The following KAT6A variants were observed in gnomAD, a reference collection of about 807,000 sequenced individuals.
KAT6A encodes the protein lysine acetyltransferase 6A.
In KAT6A, 9 loss-of-function variants were observed where a neutral mutation model predicts 198.4. The observed-to-expected ratio is 0.05, with a 90% CI of 0.03 to 0.08. The LOEUF (loss-of-function observed/expected upper bound fraction) is 0.08. Among genes scored for constraint, KAT6A ranks in the 10% least tolerant of loss-of-function variants. The pLI, the probability that KAT6A is intolerant of heterozygous loss-of-function variation, is 1.00. For synonymous variants in KAT6A, 890 were observed against 883.0 expected, an observed-to-expected ratio of 1.01 and a Z score of -0.14; for missense variants, 2,077 against 2,509.9, an observed-to-expected ratio of 0.83 and a Z score of 3.69.
chr8:41,943,584 T>C (rs1587722962), intron 13 of KAT6A, among the ~76,000 whole-genome samples, 164 bp downstream of exon 13: 1 of 152,130 alleles, frequency 6.6e-6, no homozygotes, highest in East Asian at 1.9e-4. Context: ...ACCATATATA[T>C]AGTCAATCAA....
At chr8:41,946,529 C>CACACAG in intron 12 of KAT6A, 62 bp downstream of exon 12, 2 of 681,868 alleles carry the variant, frequency 2.9e-6, no homozygotes, top group East Asian at 6.1e-5. Context: ...CACACACACA[C>CACACAG]ACACACACAC....
chr8:41,982,350 A>G (rs760602931), intron 3 of KAT6A, among the ~76,000 whole-genome samples: 3 of 152,196 alleles, frequency 2.0e-5, no homozygotes, highest in African/African-American at 4.8e-5. Flanking sequence ...CACTGATAAC[A>G]TCCTAGAAAA....
intron 8 of KAT6A, chr8:41,958,112 T>C (rs577807474): frequency 6.6e-6 from 1 of 152,266 alleles, no homozygotes; most frequent in East Asian, 1.9e-4. Flanking sequence ...CATTTGAACA[T>C]TTTCCCACAG....
At chr8:41,943,348 G>T (rs536580940) in intron 13 of KAT6A, among the ~76,000 whole-genome samples, 1 of 152,300 alleles carries the variant, frequency 6.6e-6, no homozygotes, top group Non-Finnish European at 1.5e-5. Context: ...CTTTAGTGAA[G>T]GGTGAACTGT....
intron 2 of KAT6A, among the ~76,000 whole-genome samples, chr8:42,030,816 G>A (rs558120589): frequency 6.6e-6 from 1 of 152,084 alleles, no homozygotes; most frequent in Non-Finnish European, 1.5e-5. Flanking sequence ...GACCTCAAGT[G>A]ATCTGCTTGC....
chr8:41,990,369 GAAGCATAGTAAGGAAGAC>G (rs1824873839), intron 2 of KAT6A, among the ~76,000 whole-genome samples: 1 of 152,154 alleles, frequency 6.6e-6, no homozygotes, highest in African/African-American at 2.4e-5. Flanking sequence ...TTTGGGGAGA[GAAGCATAGTAAGGAAGAC>G]AAGAGACTGG....
rs570830969 is a variant in KAT6A at position 41,930,407 on chromosome 8, G to A, written c.*1798C>T. The A allele has an allele frequency of 6.2e-5, 14 of 226,206 alleles. No individual in the cohort carries two copies. The highest frequency in any genetic ancestry group is 1.1e-4 in the Non-Finnish European group (12 of 113,780). The allele number at this position is 226,206 out of a possible 1,614,324, so 14.0% of individuals were successfully genotyped here. On this transcript the variant is annotated 3_prime_UTR_variant, in exon 17 of 17. Coordinates refer to ENST00000265713, the MANE Select transcript of KAT6A (RefSeq NM_006766.5). ...GCCTTGCACATGCTCAGAGCTGAGA[G>A]CGGGAAGATGTGGAATTCTGCGTTT...
chr8:42,042,485 A>G (rs1208157229), intron 2 of KAT6A, among the ~76,000 whole-genome samples: 4 of 152,102 alleles, frequency 2.6e-5, no homozygotes, highest in African/African-American at 9.7e-5. Context: ...GTATCTCTAC[A>G]TCGAAAATTT....
intron 3 of KAT6A, among the ~76,000 whole-genome samples, chr8:41,983,257 CT>C (rs1243170843): frequency 6.6e-6 from 1 of 152,168 alleles, no homozygotes; most frequent in Non-Finnish European, 1.5e-5. Flanking sequence ...CTTCTCCTCT[CT>C]TTTCTATTCC....
At chr8:41,987,410 C>A in intron 3 of KAT6A, 45 bp downstream of exon 3, 1 of 1,168,416 alleles carries the variant, frequency 8.6e-7, no homozygotes, top group Non-Finnish European at 1.3e-6. Context: ...TTTCCGCTTG[C>A]CTTCGTAACA....
chr8:41,967,670 C>T (rs558106807), intron 8 of KAT6A, among the ~76,000 whole-genome samples: 82 of 152,182 alleles, frequency 5.4e-4, no homozygotes, highest in Middle Eastern at 3.4e-3. Context: ...TGTATATGTG[C>T]CGCATTTTCT....
chr8:41,996,651 T>TTC, intron 2 of KAT6A, among the ~76,000 whole-genome samples: 1 of 152,274 alleles, frequency 6.6e-6, no homozygotes, highest in East Asian at 1.9e-4. Flanking sequence ...TGGCCCCCTT[T>TTC]TCCTCTCTGT....
chr8:41,941,692 A>G (rs2150862041), intron 14 of KAT6A, among the ~76,000 whole-genome samples: 1 of 152,360 alleles, frequency 6.6e-6, no homozygotes, highest in South Asian at 2.1e-4. Flanking sequence ...CAAATGAGGC[A>G]TGTGGGGTAG....
At chr8:42,025,269 T>G (rs969929865) in intron 2 of KAT6A, among the ~76,000 whole-genome samples, 1 of 152,146 alleles carries the variant, frequency 6.6e-6, no homozygotes, top group Non-Finnish European at 1.5e-5. Context: ...TGGAGTGCAG[T>G]GGCATGATCT....
intron 2 of KAT6A, among the ~76,000 whole-genome samples, chr8:42,031,909 G>T (rs1370796029): frequency 6.6e-6 from 1 of 151,096 alleles, no homozygotes; most frequent in Admixed American, 6.6e-5. Context: ...AGGATTACAG[G>T]CGTGAGCCAC....
At chr8:42,026,669 G>A (rs904541115) in intron 2 of KAT6A, among the ~76,000 whole-genome samples, 5 of 152,072 alleles carry the variant, frequency 3.3e-5, no homozygotes, top group Admixed American at 3.3e-4. Flanking sequence ...TTTTTGTAGA[G>A]CCTTCATGTT....
At chr8:41,980,355 AAAC>A (rs147406080) in intron 5 of KAT6A, among the ~76,000 whole-genome samples, 210 of 152,204 alleles carry the variant, frequency 1.4e-3, no homozygotes, top group African/African-American at 4.8e-3. Context: ...TATTTCATTA[AAAC>A]AACAACAACA....
At chr8:41,953,312 T>C (rs889029757) in intron 9 of KAT6A, among the ~76,000 whole-genome samples, 1 of 152,214 alleles carries the variant, frequency 6.6e-6, no homozygotes, top group African/African-American at 2.4e-5. Context: ...GGTTTCCATC[T>C]ATCTGTACTA....
At chr8:42,008,605 A>G (rs1825860518) in intron 2 of KAT6A, among the ~76,000 whole-genome samples, 1 of 152,054 alleles carries the variant, frequency 6.6e-6, no homozygotes, top group African/African-American at 2.4e-5. Context: ...TTGGCCTTCC[A>G]AAGTGCTGGG....
Sources: allele counts gnomAD v4.1 joint callset (sites outside exome capture counted in the v4.1 genomes callset), GRCh38; gene constraint gnomAD v4.1.1; transcripts MANE v1.5; gene names NCBI Gene and HGNC (gene_info 2026-07-23, HGNC 2026-07-21).